The following DOCK3 variants were observed in gnomAD, a reference collection of about 807,000 sequenced individuals.
The protein encoded by DOCK3 is dedicator of cytokinesis 3.
DOCK3 carries 60 observed loss-of-function variants against 265.6 expected under a neutral mutation model. That is an observed-to-expected ratio of 0.23 (90% CI 0.18 to 0.28). The LOEUF (loss-of-function observed/expected upper bound fraction) is 0.28, where lower values mean the gene tolerates loss of function less well. DOCK3 is among the 10% of genes least tolerant of loss of function. The pLI, the probability that DOCK3 is intolerant of heterozygous loss-of-function variation, is 1.00. For synonymous variants in DOCK3, 881 were observed against 938.0 expected (o/e 0.94, Z 1.11); for missense variants, 1,981 against 2,594.3 (o/e 0.76, Z 5.14).
chr3:50,805,314 G>A (rs899397771), intron 2 of DOCK3, among the ~76,000 whole-genome samples: 2 of 152,166 alleles, frequency 1.3e-5, no homozygotes, highest in African/African-American at 2.4e-5. Flanking sequence ...TGGTGATGAT[G>A]GTACAGGTTT....
chr3:51,044,212 TGTG>T (rs997791971), intron 5 of DOCK3, among the ~76,000 whole-genome samples: 2 of 152,052 alleles, frequency 1.3e-5, no homozygotes, highest in African/African-American at 4.8e-5. Flanking sequence ...ATAAAGAAAA[TGTG>T]GTGCATATAT....
chr3:50,696,615 G>A (rs139813915), intron 1 of DOCK3, among the ~76,000 whole-genome samples: 4 of 152,116 alleles, frequency 2.6e-5, no homozygotes, highest in Non-Finnish European at 5.9e-5. Context: ...TTTGTGCAAG[G>A]TGTTTTGGGA....
At chr3:51,157,274 G>C (rs1295685840) in intron 10 of DOCK3, among the ~76,000 whole-genome samples, 1 of 150,662 alleles carries the variant, frequency 6.6e-6, no homozygotes, top group Middle Eastern at 3.2e-3. Context: ...TTTTTTTTGA[G>C]ACGGAGTCTC....
At chr3:51,118,086 T>G (rs1197482879) in intron 9 of DOCK3, among the ~76,000 whole-genome samples, 1 of 152,224 alleles carries the variant, frequency 6.6e-6, no homozygotes, top group East Asian at 1.9e-4. Flanking sequence ...TTTTCTCCTG[T>G]GGGCATTTAG....
intron 26 of DOCK3, chr3:51,278,186 T>G: frequency 1.0e-6 from 1 of 985,436 alleles, no homozygotes; most frequent in South Asian, 4.7e-5. Flanking sequence ...ATTAGTTGCT[T>G]TTGTCCATTA....
rs139159968 is a variant in DOCK3 at position 51,196,187 on chromosome 3, C to T, written c.1038-12587C>T. On this transcript the variant is annotated intron_variant, in intron 12 of 52. Transcript: ENST00000266037. ...CTGGACTCAAGTAGGCCTCCTGCCTCAGCCTCCCAAAGTGCTGTGATTACA... is the reference window on the plus strand; with the variant it reads ...CTGGACTCAAGTAGGCCTCCTGCCTTAGCCTCCCAAAGTGCTGTGATTACA... 2.7e-3 allele frequency among the ~76,000 whole-genome samples: 412 copies of T among 152,052 alleles called. 1 individual carries two copies. Among genetic ancestry groups the T allele is most frequent in the African/African-American group, 9.3e-3 (387 of 41,432 alleles).
chr3:51,362,575 G>A lies in DOCK3; in HGVS notation c.5194G>A (p.Val1732Ile). The change falls in exon 49 of 53, where the codon GTT (valine) becomes ATT (isoleucine). Residue 1732 changes from valine (V) to isoleucine (I), a missense_variant. This residue lies in a region of DOCK3 where 1,357 missense variants were observed against 1,866.8 expected (regional missense o/e 0.73). Coordinates refer to ENST00000266037, the MANE Select transcript of DOCK3 (RefSeq NM_004947.5). ...CCAAGGCTCAGTCACCAACGTCTCT[G>A]TTCTGTCCTCGTCCCAGGCAAGCCC... is the stretch of plus-strand genomic sequence containing the variant. ...RYQGSVTNVS[V>I]LSSSQASPSS... The A allele has an allele frequency of 6.2e-7, 1 of 1,614,012 alleles. No individual in the cohort carries two copies. The highest frequency in any genetic ancestry group is 8.5e-7 in the Non-Finnish European group (1 of 1,179,892).
intron 2 of DOCK3, among the ~76,000 whole-genome samples, chr3:50,792,795 A>G (rs1165355342): frequency 1.3e-5 from 2 of 152,190 alleles, no homozygotes; most frequent in Non-Finnish European, 2.9e-5. Context: ...GTCATAGTGG[A>G]TAAGCTTTTT....
At chr3:50,855,878 C>T (rs1457369119) in intron 3 of DOCK3, among the ~76,000 whole-genome samples, 2 of 152,054 alleles carry the variant, frequency 1.3e-5, no homozygotes, top group Non-Finnish European at 2.9e-5. Flanking sequence ...GTTGTTTCCC[C>T]CCATGTGTCC....
chr3:51,181,276 T>A (rs1023593212), intron 12 of DOCK3, among the ~76,000 whole-genome samples: 3 of 134,566 alleles, frequency 2.2e-5, no homozygotes, highest in Admixed American at 7.3e-5. Flanking sequence ...TCCTAATGCT[T>A]TCCCTCCCCC....
chr3:50,934,727 G>C (rs1159010479), intron 5 of DOCK3, among the ~76,000 whole-genome samples: 8 of 151,116 alleles, frequency 5.3e-5, no homozygotes, highest in Admixed American at 5.3e-4. Context: ...TAAAGAGTGA[G>C]ACCTTGTCTC....
At position 51,312,686 on chromosome 3, in the gene DOCK3, G is replaced by T. The variant is rs934851584; in HGVS notation, c.3194+110G>T. 3.2e-5 allele frequency: 41 copies of T among 1,272,772 alleles called. No individual in the cohort carries two copies. In the African/African-American group the frequency reaches 6.0e-4, roughly 19 times the overall value. 78.8% of individuals were successfully genotyped at this position (1,272,772 alleles called of 1,614,324 possible). A position where few individuals can be genotyped will look rare whatever the true frequency, so the allele number is the denominator to read the frequency against. On this transcript the variant is annotated intron_variant, in intron 30 of 52. Coordinates refer to ENST00000266037, the MANE Select transcript of DOCK3 (RefSeq NM_004947.5). The stretch of plus-strand genomic sequence containing the variant: ...AGGTTCTCAGCTGGGTGGTTTCCCA[G>T]GGGCCCAAGTGTGGGAGTTCAGTCG...
At chr3:51,161,222 A>C (rs912183484) in intron 12 of DOCK3, among the ~76,000 whole-genome samples, 8 of 152,154 alleles carry the variant, frequency 5.3e-5, no homozygotes, top group Non-Finnish European at 1.2e-4. Flanking sequence ...AGGCAGGCGG[A>C]TCACGAGGTC....
chr3:50,719,914 G>A, intron 1 of DOCK3: 1 of 589,530 alleles, frequency 1.7e-6, no homozygotes, highest in Non-Finnish European at 3.1e-6. Flanking sequence ...ACAGCTTGAA[G>A]GAGATGCAGC....
At chr3:50,859,716 G>A (rs964255001) in intron 3 of DOCK3, among the ~76,000 whole-genome samples, 2 of 152,134 alleles carry the variant, frequency 1.3e-5, no homozygotes, top group Non-Finnish European at 2.9e-5. Flanking sequence ...GTTTCAGAGG[G>A]AGTTATGTTA....
chr3:50,821,523 A>T (rs2044429697), intron 2 of DOCK3, among the ~76,000 whole-genome samples: 1 of 152,070 alleles, frequency 6.6e-6, no homozygotes, highest in East Asian at 1.9e-4. Flanking sequence ...GATGGTCTCG[A>T]TCTCCTGACC....
intron 2 of DOCK3, among the ~76,000 whole-genome samples, chr3:50,831,772 A>G (rs2107120719): frequency 6.6e-6 from 1 of 152,282 alleles, no homozygotes; most frequent in African/African-American, 2.4e-5. Flanking sequence ...GTCAAATGGT[A>G]TTTCCGGTTC....
intron 4 of DOCK3, among the ~76,000 whole-genome samples, chr3:50,899,362 A>G (rs774715607): frequency 1.3e-5 from 2 of 151,994 alleles, no homozygotes; most frequent in African/African-American, 2.4e-5. Context: ...TTTTGAGCCT[A>G]TGTGTGTCTT....
intron 5 of DOCK3, among the ~76,000 whole-genome samples, chr3:51,046,447 G>A (rs1335043477): frequency 6.6e-6 from 1 of 152,162 alleles, no homozygotes; most frequent in African/African-American, 2.4e-5. Flanking sequence ...CTAGCTATAT[G>A]TGTATCAGAC....
Sources: allele counts gnomAD v4.1 joint callset (sites outside exome capture counted in the v4.1 genomes callset), GRCh38; gene constraint gnomAD v4.1.1; regional missense constraint gnomAD v4.1.1; transcripts MANE v1.5; gene names NCBI Gene and HGNC (gene_info 2026-07-23, HGNC 2026-07-21).